The following ST6GALNAC2 variants were observed in gnomAD, a reference collection of about 807,000 sequenced individuals.
ST6GALNAC2 encodes ST6 N-acetylgalactosaminide alpha-2,6-sialyltransferase 2, also known as alpha-N-acetylgalactosaminide alpha-2,6-sialyltransferase 2.
Under a neutral mutation model 38.7 loss-of-function variants are expected in ST6GALNAC2, and 42 were observed. The observed-to-expected ratio is 1.09, with a 90% CI of 0.85 to 1.40. ST6GALNAC2 has a LOEUF of 1.40. Among genes scored for constraint, ST6GALNAC2 ranks in the 40% most tolerant of loss-of-function variants. The probability of loss-of-function intolerance (pLI) is 0.00; values close to 1 mark genes in which losing one functional copy is unlikely to be tolerated. For synonymous variants in ST6GALNAC2, 233 were observed against 209.0 expected (o/e 1.11, Z -0.99); for missense variants, 506 against 481.7 (o/e 1.05, Z -0.47).
chr17:76,566,402 A>T lies in ST6GALNAC2; in HGVS notation c.958-131T>A, dbSNP rs538141840. Reference sequence around the variant, plus strand: ...GGATAATGGTCTAGGGCTTATTCCCACTTAGCAAGTGGGGAGATGGATTCA... The same window carrying T: ...GGATAATGGTCTAGGGCTTATTCCCTCTTAGCAAGTGGGGAGATGGATTCA... On this transcript the variant is annotated intron_variant, in intron 8 of 8. Transcript: ENST00000225276. 11 of 957,676 alleles carry T rather than the reference A, an allele frequency of 1.1e-5. No individual in the cohort carries two copies. The South Asian group carries it at 1.6e-4, about 14-fold the overall frequency. The allele number at this position is 957,676 out of a possible 1,614,324, so 59.3% of individuals were successfully genotyped here. A position where few individuals can be genotyped will look rare whatever the true frequency, so the allele number is the denominator to read the frequency against.
At chr17:76,585,058 G>C (rs1236873254) in intron 1 of ST6GALNAC2, among the ~76,000 whole-genome samples, 1 of 152,286 alleles carries the variant, frequency 6.6e-6, no homozygotes, top group Non-Finnish European at 1.5e-5. Flanking sequence ...GCGGCGCGGG[G>C]AGGAGAACGC....
intron 5 of ST6GALNAC2, chr17:76,571,079 GC>G (rs1423594237): frequency 6.4e-6 from 1 of 156,818 alleles, no homozygotes; most frequent in Non-Finnish European, 1.4e-5. Context: ...AGTGGCAAGG[GC>G]CCGTGAGACG....
chr17:76,574,941 G>T (rs1044952652), intron 2 of ST6GALNAC2, among the ~76,000 whole-genome samples: 2 of 152,110 alleles, frequency 1.3e-5, no homozygotes, highest in Admixed American at 6.5e-5. Flanking sequence ...CTCCCAAAGT[G>T]CTGGGATTAC....
chr17:76,578,666 C>T (rs1034345821), intron 2 of ST6GALNAC2, 90 bp downstream of exon 2: 5 of 1,271,964 alleles, frequency 3.9e-6, no homozygotes, highest in Non-Finnish European at 5.6e-6. Context: ...GCCCAGCAAT[C>T]TCATGAGAGT....
In ST6GALNAC2 at chr17:76,574,369, G is replaced by A. The variant is rs367883248; in HGVS notation, c.357C>T (p.His119=). 4.3e-6 allele frequency: 7 copies of A among 1,612,164 alleles called. No individual in the cohort carries two copies. In the Admixed American group the frequency reaches 5.0e-5, roughly 12 times the overall value. ...GAGACAGCGGGCGCGGGTTACCTTG[G>A]TGAGAGAGCCCCCGCCAGCCATACG... is the stretch of plus-strand genomic sequence containing the variant. ...KAPYGWRGLS[H]QVIASTLSLL... Residue 119 remains histidine, a synonymous_variant, in exon 3 of 9, where the codon CAC becomes CAT. Coordinates refer to ENST00000225276, the MANE Select transcript of ST6GALNAC2 (RefSeq NM_006456.3).
intron 8 of ST6GALNAC2, among the ~76,000 whole-genome samples, chr17:76,566,599 T>C (rs1176908190): frequency 6.6e-6 from 1 of 151,924 alleles, no homozygotes; most frequent in East Asian, 1.9e-4. Flanking sequence ...GGCTCACGCC[T>C]GTAATCCCAA....
At chr17:76,568,866 G>A (rs775988475) in intron 6 of ST6GALNAC2, 70 bp from the exon 7 acceptor site, 21 of 1,517,846 alleles carry the variant, frequency 1.4e-5, no homozygotes, top group Non-Finnish European at 1.8e-5. Flanking sequence ...TGGAGGGGAG[G>A]GTCAGGGCGC....
Position 76,573,019 on chromosome 17 carries a change from C to T in ST6GALNAC2, c.530+176G>A, listed in dbSNP as rs2075370563. 6.6e-6 allele frequency among the ~76,000 whole-genome samples: 1 copy of T among 152,294 alleles called. No homozygotes were observed. Among genetic ancestry groups the T allele is most frequent in the Non-Finnish European group, 1.5e-5 (1 of 68,030 alleles). On this transcript the variant is annotated intron_variant, in intron 4 of 8. Coordinates refer to ENST00000225276, the MANE Select transcript of ST6GALNAC2 (RefSeq NM_006456.3). This position sits in a 1 kb window ranked among gnomAD's most constrained non-coding sequence, Gnocchi z 5.1. ...CCTCCTGGGTCCCCTGCATGGGCAC[C>T]CATGCTCCGTCCTCAGGGCCTACTG... is the stretch of plus-strand genomic sequence containing the variant.
rs768307376 is a variant in ST6GALNAC2 at position 76,573,291 on chromosome 17, G to A, written c.434C>T (p.Pro145Leu). 6 of 1,606,850 alleles carry A rather than the reference G, an allele frequency of 3.7e-6. No homozygotes were observed. The South Asian group carries it at 5.6e-5, about 15-fold the overall frequency. Residue 145 changes from proline to leucine, a missense_variant, in exon 4 of 9, where the codon CCT (proline) becomes CTT (leucine). Pro to Leu is a moderately conservative substitution (Grantham distance 98). Coordinates refer to ENST00000225276, the MANE Select transcript of ST6GALNAC2 (RefSeq NM_006456.3). The surrounding 1 kb of genome is among the most constrained non-coding windows in gnomAD (Gnocchi z 5.1). ...CACGGCACACCGGATACACTTTGGA[G>A]GGGTGTCCCTGGGCGGGGCAAACAG... ...AKLFAPPRDTPPKCIRCAVVG... is the reference protein window; with the variant it reads ...AKLFAPPRDTLPKCIRCAVVG...
chr17:76,573,471 G>A lies in ST6GALNAC2; in HGVS notation c.362-108C>T. The stretch of plus-strand genomic sequence containing the variant: ...CCATCTCCCCTGAGGCCTGACCCTA[G>A]CCCCTCCCAAGAAGCACAGAGGGTG... On this transcript the variant is annotated intron_variant, in intron 3 of 8. Transcript: ENST00000225276. This position sits in a 1 kb window ranked among gnomAD's most constrained non-coding sequence, Gnocchi z 5.1. 1 of 1,114,980 alleles carries A rather than the reference G, an allele frequency of 9.0e-7. No individual in the cohort carries two copies. Among genetic ancestry groups the A allele is most frequent in the Non-Finnish European group, 1.2e-6 (1 of 826,236 alleles). 69.1% of individuals were successfully genotyped at this position (1,114,980 alleles called of 1,614,324 possible).
At chr17:76,566,367 G>T in intron 8 of ST6GALNAC2, 96 bp from the exon 9 acceptor site, 1 of 1,325,316 alleles carries the variant, frequency 7.5e-7, no homozygotes, top group Non-Finnish European at 1.1e-6. Context: ...GTGTCCGTCT[G>T]CTGAGGTGAG....
chr17:76,566,003 G>T lies in ST6GALNAC2; in HGVS notation c.*101C>A. 2 of 1,277,460 alleles carry T rather than the reference G, an allele frequency of 1.6e-6. No individual in the cohort carries two copies. Among genetic ancestry groups the T allele is most frequent in the Non-Finnish European group, 2.1e-6 (2 of 932,938 alleles). The allele number at this position is 1,277,460 out of a possible 1,614,324, so 79.1% of individuals were successfully genotyped here. On this transcript the variant is annotated 3_prime_UTR_variant, in exon 9 of 9. Coordinates refer to ENST00000225276, the MANE Select transcript of ST6GALNAC2 (RefSeq NM_006456.3). ...TGAATTCACCCCAGTGCCCTCTGTT[G>T]GCAAGGGAAGGTGAAGATTGAAAAG...
In ST6GALNAC2 at chr17:76,573,159, T is replaced by TTC; in HGVS notation, c.530+35_530+36insGA. ...GACACCCCCACCCTCCAGGCAACTC[T>TTC]CCCTCCCGCCCCTCCCCAGCTCCTA... On this transcript the variant is annotated intron_variant, in intron 4 of 8. Transcript: ENST00000225276. The surrounding 1 kb of genome is among the most constrained non-coding windows in gnomAD (Gnocchi z 5.1). The TTC allele has an allele frequency of 1.3e-6, 2 of 1,530,322 alleles. No individual in the cohort carries two copies. The highest frequency in any genetic ancestry group is 1.8e-6 in the Non-Finnish European group (2 of 1,120,830). The allele number at this position is 1,530,322 out of a possible 1,614,324, so 94.8% of individuals were successfully genotyped here. A position where few individuals can be genotyped will look rare whatever the true frequency, so the allele number is the denominator to read the frequency against.
chr17:76,585,728 G>C lies in ST6GALNAC2; in HGVS notation c.81C>G (p.Tyr27Ter). 2 of 1,542,296 alleles carry C rather than the reference G, an allele frequency of 1.3e-6. No individual in the cohort carries two copies. The highest frequency in any genetic ancestry group is 2.4e-5 in the South Asian group (2 of 83,806). ...AACSGLLFALYFSAVQRYPGP... is the reference protein window; with the variant it reads ...AACSGLLFAL ...CCGGGTACCGCTGCACCGCCGAGAA[G>C]TACAGGGCAAAGAGGAGCCCCGAGC... The change falls in exon 1 of 9, where the codon TAC (tyrosine) becomes TAG (stop). Residue 27 changes from tyrosine (Y) to a stop codon, truncating the protein, a stop_gained. Coordinates refer to ENST00000225276, the MANE Select transcript of ST6GALNAC2 (RefSeq NM_006456.3). LOFTEE classifies it high-confidence loss of function.
Position 76,565,909 on chromosome 17 carries a change from A to G in ST6GALNAC2, c.*195T>C. On this transcript the variant is annotated 3_prime_UTR_variant, in exon 9 of 9. Transcript: ENST00000225276. ...GATTGAGATGTATTGTTTTAGATAC[A>G]GAAGAGTTCTTGGATGAGCCAAGGA... The G allele has an allele frequency of 1.7e-6, 1 of 573,784 alleles. No homozygotes were observed. Among genetic ancestry groups the G allele is most frequent in the African/African-American group, 1.9e-5 (1 of 53,336 alleles). The allele number at this position is 573,784 out of a possible 1,614,324, so 35.5% of individuals were successfully genotyped here.
chr17:76,567,959 G>C, intron 7 of ST6GALNAC2: 1 of 194,608 alleles, frequency 5.1e-6, no homozygotes, highest in Non-Finnish European at 1.1e-5. Flanking sequence ...TGAGGCCAGG[G>C]TGTGACCACG....
chr17:76,582,396 T>A (rs908672287), intron 1 of ST6GALNAC2, among the ~76,000 whole-genome samples: 8 of 100,600 alleles, frequency 8.0e-5, no homozygotes, highest in Middle Eastern at 6.8e-3. Context: ...TTCAAACTCC[T>A]GGGCTCAAGC....
intron 1 of ST6GALNAC2, among the ~76,000 whole-genome samples, chr17:76,581,239 G>T (rs900346173): frequency 6.6e-6 from 1 of 152,098 alleles, no homozygotes; most frequent in Non-Finnish European, 1.5e-5. Context: ...CTGTCCACTT[G>T]TCTGCCCACA....
At position 76,573,160 on chromosome 17, in the gene ST6GALNAC2, C is replaced by T; in HGVS notation, c.530+35G>A. Reference sequence around the variant, plus strand: ...ACACCCCCACCCTCCAGGCAACTCTCCCTCCCGCCCCTCCCCAGCTCCTAC... The same window carrying T: ...ACACCCCCACCCTCCAGGCAACTCTTCCTCCCGCCCCTCCCCAGCTCCTAC... On this transcript the variant is annotated intron_variant, in intron 4 of 8. Transcript: ENST00000225276. This position sits in a 1 kb window ranked among gnomAD's most constrained non-coding sequence, Gnocchi z 5.1. 8 of 1,127,664 alleles carry T rather than the reference C, an allele frequency of 7.1e-6. No homozygotes were observed. Among genetic ancestry groups the T allele is most frequent in the African/African-American group, 1.5e-5 (1 of 65,412 alleles). The allele number at this position is 1,127,664 out of a possible 1,614,324, so 69.9% of individuals were successfully genotyped here.
Sources: gnomAD v4.1 joint callset for allele counts (sites outside exome capture counted in the v4.1 genomes callset) on GRCh38, gnomAD v4.1.1 for gene constraint, Gnocchi (gnomAD v3.1) non-coding constraint, MANE v1.5 for transcripts, NCBI Gene and HGNC (gene_info 2026-07-23, HGNC 2026-07-21) for gene names.